The following XRCC6 variants were observed in gnomAD, a reference collection of about 807,000 sequenced individuals.
XRCC6 encodes DNA repair protein Ku70.
In XRCC6, 5 loss-of-function variants were observed where a neutral mutation model predicts 65.7. The ratio of observed to expected loss-of-function variants is 0.08; its 90% CI spans 0.04 to 0.16. The LOEUF (loss-of-function observed/expected upper bound fraction) is 0.16, where lower values mean the gene tolerates loss of function less well. Among genes scored for constraint, XRCC6 ranks in the 10% least tolerant of loss-of-function variants. The pLI is 1.00. For missense variants in XRCC6, 447 were observed against 738.1 expected (o/e 0.61, Z 4.57); for synonymous variants, 270 against 270.6 (o/e 1.00, Z 0.02).
chr22:41,625,957 G>T (rs2067665348), intron 2 of XRCC6, among the ~76,000 whole-genome samples: 1 of 152,032 alleles, frequency 6.6e-6, no homozygotes, highest in Admixed American at 6.6e-5. Flanking sequence ...TCCTGCCTCA[G>T]CCTCCCTAGT....
intron 12 of XRCC6, chr22:41,661,670 T>C (rs1239101787): frequency 4.2e-6 from 2 of 476,880 alleles, no homozygotes; most frequent in Non-Finnish European, 3.7e-6. Flanking sequence ...TTATGGAGAA[T>C]AGTTGGGAGT....
intron 3 of XRCC6, among the ~76,000 whole-genome samples, chr22:41,630,888 C>T (rs1348728753): frequency 2.0e-5 from 3 of 152,214 alleles, no homozygotes; most frequent in Non-Finnish European, 2.9e-5. Flanking sequence ...GGCAACCATC[C>T]GATTTCTCAA....
Position 41,622,098 on chromosome 22 carries a change from C to T in XRCC6, c.82+12C>T. The T allele has an allele frequency of 6.2e-7, 1 of 1,614,060 alleles. No individual in the cohort carries two copies. The highest frequency in any genetic ancestry group is 8.5e-7 in the Non-Finnish European group (1 of 1,179,924). ...CCTTGAAGCAAGTGGTAAGTGACTT[C>T]AGCATGTAGTGCCATTCGGTGTGTG... is the stretch of plus-strand genomic sequence containing the variant. On this transcript the variant is annotated intron_variant, in intron 2 of 12. Transcript: ENST00000360079.
intron 6 of XRCC6, among the ~76,000 whole-genome samples, chr22:41,641,813 C>G (rs1223023484): frequency 6.6e-6 from 1 of 151,672 alleles, no homozygotes; most frequent in African/African-American, 2.4e-5. Context: ...TTTTTTTGAG[C>G]CTGAGTCTTG....
rs749612494 is a variant in XRCC6, at chr22:41,657,020, G to A, written c.1409G>A (p.Arg470His). Residue 470 changes from arginine (R) to histidine (H), a missense_variant, in exon 10 of 13, where the codon CGC becomes CAC. Coordinates refer to ENST00000360079, the MANE Select transcript of XRCC6 (RefSeq NM_001469.5). Reference sequence around the variant, plus strand: ...ATGAAGGCTATCGTTGAGAAGCTTCGCTTCACATACAGGTGAGTCAATCTC... The same window carrying A: ...ATGAAGGCTATCGTTGAGAAGCTTCACTTCACATACAGGTGAGTCAATCTC... ...GKMKAIVEKL[R>H]FTYRSDSFEN... The A allele has an allele frequency of 2.5e-6, 4 of 1,590,424 alleles. No homozygotes were observed. The highest frequency in any genetic ancestry group is 4.5e-5 in the East Asian group (2 of 44,526).
At chr22:41,647,569 G>A (rs1247149126) in intron 7 of XRCC6, among the ~76,000 whole-genome samples, 1 of 124,598 alleles carries the variant, frequency 8.0e-6, no homozygotes, top group Non-Finnish European at 1.7e-5. Flanking sequence ...CAACAAAAGC[G>A]TAACTCCGTC....
At chr22:41,654,377 A>T (rs2068026515) in intron 9 of XRCC6, among the ~76,000 whole-genome samples, 1 of 152,182 alleles carries the variant, frequency 6.6e-6, no homozygotes, top group Non-Finnish European at 1.5e-5. Context: ...TCTCAGCTCC[A>T]AATTCACCCT....
chr22:41,656,932 G>A lies in XRCC6; in HGVS notation c.1321G>A (p.Asp441Asn), dbSNP rs761869477. The A allele has an allele frequency of 6.2e-7, 1 of 1,613,478 alleles. No homozygotes were observed. The highest frequency in any genetic ancestry group is 8.5e-7 in the Non-Finnish European group (1 of 1,179,904). The change falls in exon 10 of 13, where the codon GAT becomes AAT. Residue 441 changes from aspartate to asparagine, a missense_variant. Coordinates refer to ENST00000360079, the MANE Select transcript of XRCC6 (RefSeq NM_001469.5). ...CCAGCTGGTCTTTTTACCCTTTGCTGATGATAAAAGGAAGATGCCCTTTAC... is the reference window on the plus strand; with the variant it reads ...CCAGCTGGTCTTTTTACCCTTTGCTAATGATAAAAGGAAGATGCCCTTTAC... ...GFQLVFLPFADDKRKMPFTEK... is the reference protein window; with the variant it reads ...GFQLVFLPFANDKRKMPFTEK...
chr22:41,656,446 G>A (rs2147113227), intron 9 of XRCC6, among the ~76,000 whole-genome samples: 1 of 151,976 alleles, frequency 6.6e-6, no homozygotes, highest in East Asian at 1.9e-4. Flanking sequence ...GAACCTGGGA[G>A]GCGGAGGTTG....
intron 6 of XRCC6, among the ~76,000 whole-genome samples, chr22:41,640,777 T>C (rs1016724681): frequency 6.6e-6 from 1 of 152,200 alleles, no homozygotes; most frequent in Non-Finnish European, 1.5e-5. Flanking sequence ...AATGATGCGA[T>C]GTTGTTTATA....
Position 41,658,240 on chromosome 22 carries a change from T to C in XRCC6, c.1422-12T>C. On this transcript the variant is annotated splice_polypyrimidine_tract_variant and intron_variant, in intron 10 of 12. Coordinates refer to ENST00000360079, the MANE Select transcript of XRCC6 (RefSeq NM_001469.5). Reference sequence around the variant, plus strand: ...GTCATGTTTCAGTTGAGTTACATTATTGTTTTAACAGAAGTGACAGCTTTG... The same window carrying C: ...GTCATGTTTCAGTTGAGTTACATTACTGTTTTAACAGAAGTGACAGCTTTG... 1.2e-6 allele frequency: 2 copies of C among 1,612,424 alleles called. No homozygotes were observed. Among genetic ancestry groups the C allele is most frequent in the South Asian group, 1.1e-5 (1 of 91,010 alleles).
At position 41,636,734 on chromosome 22, in the gene XRCC6, C is replaced by T. The variant is rs768169162; in HGVS notation, c.553C>T (p.Arg185Trp). ...PHGNDSAKAS[R>W]ARTKAGDLRD... ...TGGCAATGACAGTGCCAAAGCCAGC[C>T]GGGCCAGGACCAAAGCCGGTGATCT... is the stretch of plus-strand genomic sequence containing the variant. Residue 185 changes from arginine to tryptophan, a missense_variant, in exon 5 of 13, where the codon CGG becomes TGG. Coordinates refer to ENST00000360079, the MANE Select transcript of XRCC6 (RefSeq NM_001469.5). The T allele has an allele frequency of 1.9e-6, 3 of 1,614,144 alleles. No homozygotes were observed. The highest frequency in any genetic ancestry group is 2.5e-6 in the Non-Finnish European group (3 of 1,180,042).
chr22:41,647,603 G>A (rs1028464236), intron 7 of XRCC6, among the ~76,000 whole-genome samples: 5 of 149,128 alleles, frequency 3.4e-5, no homozygotes, highest in South Asian at 2.1e-4. Flanking sequence ...AAAAAGAGAC[G>A]GTGTCTCGCT....
intron 2 of XRCC6, among the ~76,000 whole-genome samples, chr22:41,626,631 GT>G (rs921225213): frequency 1.4e-4 from 16 of 111,514 alleles, no homozygotes; most frequent in Admixed American, 3.6e-4. Flanking sequence ...ATGTTTGTTT[GT>G]TTTTTTTTTT....
At chr22:41,647,598 G>A (rs1173897010) in intron 7 of XRCC6, among the ~76,000 whole-genome samples, 3 of 120,442 alleles carry the variant, frequency 2.5e-5, no homozygotes, top group Non-Finnish European at 3.7e-5. Flanking sequence ...AAAAAAAAAA[G>A]AGACGGTGTC....
intron 12 of XRCC6, among the ~76,000 whole-genome samples, chr22:41,662,948 G>A (rs997017789): frequency 2.0e-5 from 3 of 152,050 alleles, no homozygotes; most frequent in African/African-American, 7.2e-5. Context: ...AGATGTGGTA[G>A]TGGGCGCCTG....
intron 6 of XRCC6, among the ~76,000 whole-genome samples, chr22:41,638,090 T>C (rs1008148976): frequency 7.2e-5 from 11 of 152,156 alleles, no homozygotes; most frequent in Non-Finnish European, 1.2e-4. Context: ...TGTCTTCCTC[T>C]AAAATAGTTT....
chr22:41,648,242 G>T (rs1447455076), intron 7 of XRCC6: 1 of 151,802 alleles, frequency 6.6e-6, no homozygotes, highest in African/African-American at 2.4e-5. Context: ...AACTCTTTGG[G>T]ACTGTGGTAT....
At chr22:41,654,591 C>T (rs922684082) in intron 9 of XRCC6, among the ~76,000 whole-genome samples, 6 of 152,142 alleles carry the variant, frequency 3.9e-5, no homozygotes, top group African/African-American at 9.7e-5. Context: ...AGTTACAGGG[C>T]GTAGATTTTT....
Sources: gnomAD v4.1 joint callset for allele counts (sites outside exome capture counted in the v4.1 genomes callset) on GRCh38, gnomAD v4.1.1 for gene constraint, MANE v1.5 for transcripts, NCBI Gene and HGNC (gene_info 2026-07-23, HGNC 2026-07-21) for gene names.